Variants in OPCML observed in about 807,000 individuals in gnomAD.
OPCML encodes the protein opioid binding protein/cell adhesion molecule like, also known as opioid-binding protein/cell adhesion molecule.
Under a neutral mutation model 37.8 loss-of-function variants are expected in OPCML, and 13 were observed. The ratio of observed to expected loss-of-function variants is 0.34; its 90% CI spans 0.22 to 0.55. The LOEUF is 0.55. Among genes scored for constraint, OPCML ranks in the 20% least tolerant of loss-of-function variants. The pLI, the probability that OPCML is intolerant of heterozygous loss-of-function variation, is 0.91. For missense variants in OPCML, 341 were observed against 435.6 expected (o/e 0.78, Z 1.93); for synonymous variants, 176 against 168.8 (o/e 1.04, Z -0.33).
At chr11:133,531,007 C>G (rs1048226753) in intron 1 of OPCML, among the ~76,000 whole-genome samples, 4 of 152,148 alleles carry the variant, frequency 2.6e-5, no homozygotes, top group Non-Finnish European at 4.4e-5. Flanking sequence ...GTTTTAAAAT[C>G]TTAGCATTCC....
intron 1 of OPCML, among the ~76,000 whole-genome samples, chr11:133,523,325 C>G (rs146206543): frequency 9.9e-5 from 15 of 152,262 alleles, no homozygotes; most frequent in African/African-American, 3.6e-4. Context: ...GGACGCTCTT[C>G]TCAGCACTCT....
At chr11:132,769,228 T>TTGGG in intron 2 of OPCML, among the ~76,000 whole-genome samples, 1 of 143,418 alleles carries the variant, frequency 7.0e-6, no homozygotes, top group Non-Finnish European at 1.6e-5. Context: ...TTTTTTGTTT[T>TTGGG]TTGGTTTGTT....
At chr11:132,577,698 T>C (rs1278795360) in intron 3 of OPCML, among the ~76,000 whole-genome samples, 1 of 152,236 alleles carries the variant, frequency 6.6e-6, no homozygotes, top group Admixed American at 6.5e-5. Context: ...CCTAGTCCTT[T>C]GGTGAGTTCT....
chr11:133,170,248 G>A (rs186421460), intron 1 of OPCML, among the ~76,000 whole-genome samples: 214 of 152,270 alleles, frequency 1.4e-3, no homozygotes, highest in African/African-American at 2.8e-3. Flanking sequence ...AGGCCGAGGC[G>A]GGCAGATCAC....
At chr11:133,285,674 C>G (rs1214610474) in intron 1 of OPCML, among the ~76,000 whole-genome samples, 2 of 152,178 alleles carry the variant, frequency 1.3e-5, no homozygotes, top group Non-Finnish European at 2.9e-5. Flanking sequence ...GCTTTGTTTA[C>G]CTACATATTT....
chr11:132,927,994 A>G (rs993380288), intron 2 of OPCML, among the ~76,000 whole-genome samples: 2 of 152,074 alleles, frequency 1.3e-5, no homozygotes, highest in African/African-American at 4.8e-5. Context: ...ATGAGAATTA[A>G]TCAAAATGCA....
At chr11:133,133,815 A>G (rs1322030943) in intron 1 of OPCML, among the ~76,000 whole-genome samples, 1 of 152,142 alleles carries the variant, frequency 6.6e-6, no homozygotes, top group Non-Finnish European at 1.5e-5. Flanking sequence ...GGCTTTTTGC[A>G]TAAGCCCAAG....
At chr11:132,844,094 CCTG>C (rs1203450632) in intron 2 of OPCML, among the ~76,000 whole-genome samples, 4 of 152,142 alleles carry the variant, frequency 2.6e-5, no homozygotes, top group Non-Finnish European at 5.9e-5. Flanking sequence ...TCTCTTTTTG[CCTG>C]CTGCTATTCA....
At chr11:132,626,261 G>A (rs185734546) in intron 3 of OPCML, among the ~76,000 whole-genome samples, 6 of 151,908 alleles carry the variant, frequency 3.9e-5, no homozygotes, top group East Asian at 1.9e-4. Flanking sequence ...AAAGATGATC[G>A]GGAGTACCAC....
At chr11:132,720,133 A>G (rs1314705625) in intron 2 of OPCML, among the ~76,000 whole-genome samples, 1 of 152,246 alleles carries the variant, frequency 6.6e-6, no homozygotes, top group Admixed American at 6.5e-5. Flanking sequence ...TTTTACATCA[A>G]TCTCTGTGAG....
chr11:133,465,613 A>G (rs1354285340), intron 1 of OPCML, among the ~76,000 whole-genome samples: 2 of 152,178 alleles, frequency 1.3e-5, no homozygotes, highest in Non-Finnish European at 1.5e-5. Flanking sequence ...ATTTTATAAT[A>G]TCATAGGTTT....
intron 3 of OPCML, among the ~76,000 whole-genome samples, chr11:132,618,528 T>C (rs1257678580): frequency 1.3e-5 from 2 of 152,038 alleles, no homozygotes; most frequent in Non-Finnish European, 2.9e-5. Context: ...TTCTCAAATC[T>C]ACCCACTTCT....
Position 132,693,223 on chromosome 11 carries a change from G to A in OPCML, c.147-35904C>T, listed in dbSNP as rs143747633. 3.9e-3 allele frequency among the ~76,000 whole-genome samples: 588 copies of A among 152,288 alleles called. 4 individuals are homozygous for A. Among genetic ancestry groups the A allele is most frequent in the Non-Finnish European group, 6.7e-3 (453 of 68,012 alleles). ...TTTGATTTCAGACGAGACTGACAAG[G>A]GGAGTGAGTGGAAGACTGTGCTCTA... On this transcript the variant is annotated intron_variant, in intron 2 of 7. Transcript: ENST00000524381.
chr11:132,643,527 C>A (rs1226492099), intron 3 of OPCML, among the ~76,000 whole-genome samples: 3 of 152,186 alleles, frequency 2.0e-5, no homozygotes, highest in African/African-American at 7.2e-5. Flanking sequence ...ACGGGCGAGG[C>A]TCCTCTGTCT....
At chr11:132,878,052 C>G (rs1943085900) in intron 2 of OPCML, among the ~76,000 whole-genome samples, 1 of 152,100 alleles carries the variant, frequency 6.6e-6, no homozygotes, top group African/African-American at 2.4e-5. Context: ...TGTGGTGGCA[C>G]ATGCCTGTAG....
chr11:132,739,169 G>A (rs753706856), intron 2 of OPCML, among the ~76,000 whole-genome samples: 3 of 152,090 alleles, frequency 2.0e-5, no homozygotes, highest in Non-Finnish European at 2.9e-5. Context: ...CTCACAGTTT[G>A]TCACCCCAAA....
chr11:133,207,767 C>A (rs938590957), intron 1 of OPCML, among the ~76,000 whole-genome samples: 11 of 152,168 alleles, frequency 7.2e-5, no homozygotes, highest in African/African-American at 2.7e-4. Context: ...TGCTATTTGG[C>A]AGCCCAGGCT....
intron 3 of OPCML, among the ~76,000 whole-genome samples, chr11:132,628,908 A>G (rs1334039663): frequency 6.6e-6 from 1 of 152,090 alleles, no homozygotes; most frequent in African/African-American, 2.4e-5. Context: ...TTCCGCCACA[A>G]TTGTTAAGTT....
At chr11:133,042,883 A>G (rs1947933402) in intron 1 of OPCML, among the ~76,000 whole-genome samples, 2 of 152,182 alleles carry the variant, frequency 1.3e-5, no homozygotes, top group Non-Finnish European at 2.9e-5. Flanking sequence ...TATTTTTGGC[A>G]TCAACCTGCT....
Sources: allele counts gnomAD v4.1 joint callset (sites outside exome capture counted in the v4.1 genomes callset), GRCh38; gene constraint gnomAD v4.1.1; transcripts MANE v1.5; gene names NCBI Gene and HGNC (gene_info 2026-07-23, HGNC 2026-07-21).